Variants in AFG1L observed in about 807,000 individuals in gnomAD.
AFG1L encodes the protein AFG1 like ATPase, also known as AFG1-like ATPase.
In AFG1L, 53 loss-of-function variants were observed where a neutral mutation model predicts 62.2. The ratio of observed to expected loss-of-function variants is 0.85; its 90% confidence interval spans 0.68 to 1.07. The LOEUF is 1.07. Ranked by LOEUF, AFG1L falls within the 50% of genes least tolerant of loss-of-function variation. The probability of loss-of-function intolerance (pLI) is 0.00; values close to 1 mark genes in which losing one functional copy is unlikely to be tolerated. For synonymous variants in AFG1L, 228 were observed against 210.3 expected (o/e 1.08, Z -0.73); for missense variants, 555 against 590.5 (o/e 0.94, Z 0.62).
Position 108,514,857 on chromosome 6 carries a change from C to G in AFG1L, c.1203+4505C>G, listed in dbSNP as rs987665125. Among the ~76,000 whole-genome samples, 503 of 152,072 alleles carry G rather than the reference C, an allele frequency of 3.3e-3. 4 individuals carry two copies. The highest frequency in any genetic ancestry group is 0.011 in the African/African-American group (470 of 41,510). ...GGCAGGGGTTGCAATCCTAGTCTCT[C>G]ATAAAACAGACTTTAAACCAACAAA... is the stretch of plus-strand genomic sequence containing the variant. On this transcript the variant is annotated intron_variant, in intron 11 of 12. Coordinates refer to ENST00000368977, the MANE Select transcript of AFG1L (RefSeq NM_145315.5).
In AFG1L at chr6:108,505,120, A is replaced by C. The variant is rs1774349849; in HGVS notation, c.1063-5092A>C. 3.8e-5 allele frequency among the ~76,000 whole-genome samples: 5 copies of C among 133,266 alleles called. No homozygotes were observed. The Admixed American group carries it at 4.2e-4, about 11-fold the overall frequency. The allele number at this position is 133,266 out of a possible 152,430, so 87.4% of individuals were successfully genotyped here. On this transcript the variant is annotated intron_variant, in intron 10 of 12. Coordinates refer to ENST00000368977, the MANE Select transcript of AFG1L (RefSeq NM_145315.5). ...TTTTCTTTTTTTTTTTTTGAGATGG[A>C]GTCTCACACTGTCACCCAGGCTGGA...
intron 1 of AFG1L, among the ~76,000 whole-genome samples, chr6:108,316,195 A>C (rs1022626246): frequency 1.7e-4 from 26 of 150,952 alleles, no homozygotes; most frequent in Admixed American, 2.6e-4. Flanking sequence ...TCCTGGCTAA[A>C]ACGGTGAAAC....
At chr6:108,441,505 A>G (rs1771544039) in intron 7 of AFG1L, among the ~76,000 whole-genome samples, 1 of 151,880 alleles carries the variant, frequency 6.6e-6, no homozygotes, top group Non-Finnish European at 1.5e-5. Flanking sequence ...AGTGTTGTAT[A>G]TTAGAATTGG....
chr6:108,386,356 G>A (rs1293287778), intron 6 of AFG1L, among the ~76,000 whole-genome samples: 1 of 152,090 alleles, frequency 6.6e-6, no homozygotes, highest in Non-Finnish European at 1.5e-5. Flanking sequence ...AGCTATTTGG[G>A]GGGCTGGGGC....
At chr6:108,500,809 C>G (rs1774166707) in intron 10 of AFG1L, among the ~76,000 whole-genome samples, 1 of 152,160 alleles carries the variant, frequency 6.6e-6, no homozygotes, top group Admixed American at 6.5e-5. Flanking sequence ...CATTCCTCAC[C>G]CACATCTGCT....
At chr6:108,344,194 C>T (rs913533888) in intron 2 of AFG1L, among the ~76,000 whole-genome samples, 4 of 151,326 alleles carry the variant, frequency 2.6e-5, no homozygotes, top group African/African-American at 9.7e-5. Context: ...CTCACTGCAA[C>T]CTCCGCCTCC....
At chr6:108,390,606 G>T (rs1781009187) in intron 6 of AFG1L, among the ~76,000 whole-genome samples, 1 of 152,228 alleles carries the variant, frequency 6.6e-6, no homozygotes, top group Admixed American at 6.5e-5. Flanking sequence ...TCAGCTGCAG[G>T]TCTGTTGGAG....
At chr6:108,445,931 C>T (rs1463725686) in intron 7 of AFG1L, among the ~76,000 whole-genome samples, 1 of 151,894 alleles carries the variant, frequency 6.6e-6, no homozygotes, top group Admixed American at 6.6e-5. Flanking sequence ...AAATTGAGGC[C>T]AATAGACTTG....
At chr6:108,427,401 C>G (rs915997159) in intron 7 of AFG1L, among the ~76,000 whole-genome samples, 34 of 151,734 alleles carry the variant, frequency 2.2e-4, no homozygotes, top group Admixed American at 1.3e-3. Flanking sequence ...TTTTTGTATA[C>G]TTAGGTTTAT....
At chr6:108,441,778 T>C (rs55914420) in intron 7 of AFG1L, among the ~76,000 whole-genome samples, 18,949 of 150,644 alleles carry the variant, frequency 0.13, 1,471 homozygotes, top group South Asian at 0.22. Flanking sequence ...AACATCTAAG[T>C]GCTTTGGTAA....
chr6:108,401,997 T>A lies in AFG1L; in HGVS notation c.750T>A (p.Asp250Glu). 1 of 1,433,258 alleles carries A rather than the reference T, an allele frequency of 7.0e-7. No homozygotes were observed. The highest frequency in any genetic ancestry group is 9.5e-7 in the Non-Finnish European group (1 of 1,050,012). 88.8% of individuals were successfully genotyped at this position (1,433,258 alleles called of 1,614,324 possible). A position where few individuals can be genotyped will look rare whatever the true frequency, so the allele number is the denominator to read the frequency against. ...ACTAATATCATTTTTTTCTTTCAGA[T>A]CTCTATAAAAATGGACTCCAAAGAG... ...VVATSNRPPEDLYKNGLQRAN... is the reference protein window; with the variant it reads ...VVATSNRPPEELYKNGLQRAN... Residue 250 changes from aspartate (D) to glutamate (E), a missense_variant and splice_region_variant, in exon 7 of 13, where the codon GAT becomes GAA. By Grantham distance (45) the Asp-to-Glu change is conservative. Transcript: ENST00000368977.
At chr6:108,298,751 A>G (rs1293176334) in intron 1 of AFG1L, among the ~76,000 whole-genome samples, 1 of 152,134 alleles carries the variant, frequency 6.6e-6, no homozygotes, top group African/African-American at 2.4e-5. Flanking sequence ...TCAGGAATAG[A>G]AGTGATCAGA....
intron 10 of AFG1L, among the ~76,000 whole-genome samples, chr6:108,493,568 A>G (rs936048421): frequency 3.3e-5 from 5 of 152,266 alleles, no homozygotes; most frequent in Admixed American, 2.0e-4. Flanking sequence ...GTACGGTCGA[A>G]CCCAGTTTAT....
At chr6:108,364,002 T>C (rs1290346592) in intron 5 of AFG1L, among the ~76,000 whole-genome samples, 3 of 152,170 alleles carry the variant, frequency 2.0e-5, no homozygotes, top group Admixed American at 6.5e-5. Flanking sequence ...AAGTGAGTCA[T>C]AATGGAAAGC....
At chr6:108,518,620 T>C (rs1169415035) in intron 11 of AFG1L, among the ~76,000 whole-genome samples, 1 of 152,144 alleles carries the variant, frequency 6.6e-6, no homozygotes, top group African/African-American at 2.4e-5. Context: ...CTGCACGTTG[T>C]GCACATGTAC....
At chr6:108,502,711 T>G (rs963746775) in intron 10 of AFG1L, among the ~76,000 whole-genome samples, 3 of 152,194 alleles carry the variant, frequency 2.0e-5, no homozygotes, top group Non-Finnish European at 4.4e-5. Context: ...ACTGACAATT[T>G]CTTAAAATAA....
At chr6:108,422,207 CAT>C (rs951344919) in intron 7 of AFG1L, among the ~76,000 whole-genome samples, 2 of 151,900 alleles carry the variant, frequency 1.3e-5, no homozygotes, top group African/African-American at 4.8e-5. Context: ...ATAGTTAAAA[CAT>C]AGGTTTGAGA....
At chr6:108,302,970 G>A (rs1203480006) in intron 1 of AFG1L, among the ~76,000 whole-genome samples, 1 of 152,022 alleles carries the variant, frequency 6.6e-6, no homozygotes, top group Non-Finnish European at 1.5e-5. Flanking sequence ...GGAAATCGGA[G>A]TTTCGCTCTG....
intron 2 of AFG1L, among the ~76,000 whole-genome samples, chr6:108,346,234 T>G (rs1778858958): frequency 1.3e-5 from 2 of 152,226 alleles, no homozygotes; most frequent in African/African-American, 2.4e-5. Context: ...AAATACATTC[T>G]TAATGTCATG....
Sources: gnomAD v4.1 joint callset for allele counts (sites outside exome capture counted in the v4.1 genomes callset) on GRCh38, gnomAD v4.1.1 for gene constraint, MANE v1.5 for transcripts, NCBI Gene and HGNC (gene_info 2026-07-23, HGNC 2026-07-21) for gene names.